The following ATE1 variants were observed in gnomAD, a reference collection of about 807,000 sequenced individuals.
ATE1 encodes the protein arginyl-tRNA--protein transferase 1.
Under a neutral mutation model 70.5 loss-of-function variants are expected in ATE1, and 36 were observed. That is an observed-to-expected ratio of 0.51 (90% CI 0.39 to 0.67). The LOEUF (loss-of-function observed/expected upper bound fraction) is 0.67, where lower values mean the gene tolerates loss of function less well. Ranked by LOEUF, ATE1 falls within the 30% of genes least tolerant of loss-of-function variation. The pLI is 0.00. For missense variants in ATE1, 593 were observed against 629.5 expected (o/e 0.94, Z 0.62); for synonymous variants, 232 against 219.3 (o/e 1.06, Z -0.51).
chr10:121,820,663 GGAA>G (rs1947756983), intron 10 of ATE1, among the ~76,000 whole-genome samples: 1 of 152,166 alleles, frequency 6.6e-6, no homozygotes, highest in Admixed American at 6.5e-5. Context: ...TAATTCTACA[GGAA>G]GAGAGCAACA....
intron 11 of ATE1, among the ~76,000 whole-genome samples, chr10:121,788,726 A>G (rs146987883): frequency 3.3e-5 from 5 of 152,228 alleles, no homozygotes; most frequent in African/African-American, 1.2e-4. Context: ...AAAAATGTTT[A>G]TACTCTTAAG....
chr10:121,851,811 AAAT>A (rs1564895520), intron 8 of ATE1, among the ~76,000 whole-genome samples: 1 of 152,242 alleles, frequency 6.6e-6, no homozygotes, highest in African/African-American at 2.4e-5. Flanking sequence ...TAACAAGAAA[AAAT>A]AATAATAAAT....
chr10:121,762,122 C>T (rs1184038629), intron 11 of ATE1, among the ~76,000 whole-genome samples: 1 of 152,178 alleles, frequency 6.6e-6, no homozygotes, highest in East Asian at 1.9e-4. Flanking sequence ...TTCAGCAAAG[C>T]GTATCAGAAA....
chr10:121,836,107 T>G lies in ATE1; in HGVS notation c.1257+611A>C, dbSNP rs557359323. Among the ~76,000 whole-genome samples, 19 of 152,262 alleles carry G rather than the reference T, an allele frequency of 1.2e-4. No homozygotes were observed. The South Asian group carries it at 2.7e-3, about 22-fold the overall frequency. On this transcript the variant is annotated intron_variant, in intron 10 of 11. Coordinates refer to ENST00000224652, the MANE Select transcript of ATE1 (RefSeq NM_001001976.3). The stretch of plus-strand genomic sequence containing the variant: ...CTTCCAAATCCTTTCTTTTACTGCT[T>G]CTTCTCCTAGAAACGTCCTTCTCCA...
intron 10 of ATE1, among the ~76,000 whole-genome samples, chr10:121,829,292 G>A (rs752252429): frequency 2.0e-5 from 3 of 152,116 alleles, no homozygotes; most frequent in Non-Finnish European, 2.9e-5. Flanking sequence ...GCATGGTGGC[G>A]TGCGCCTGTA....
At chr10:121,912,610 C>A (rs1236033307) in intron 4 of ATE1, among the ~76,000 whole-genome samples, 1 of 151,820 alleles carries the variant, frequency 6.6e-6, no homozygotes, top group African/African-American at 2.4e-5. Context: ...CAAGATTGAG[C>A]CACTGCACTC....
At chr10:121,917,828 T>C (rs968953082) in intron 3 of ATE1, among the ~76,000 whole-genome samples, 1 of 152,116 alleles carries the variant, frequency 6.6e-6, no homozygotes, top group Non-Finnish European at 1.5e-5. Flanking sequence ...TTAATGAGCA[T>C]GTGGAATTCT....
chr10:121,765,852 A>G (rs557217190), intron 11 of ATE1, among the ~76,000 whole-genome samples: 1 of 152,278 alleles, frequency 6.6e-6, no homozygotes, highest in South Asian at 2.1e-4. Flanking sequence ...TTTATTGGCA[A>G]TTTGATAAAG....
chr10:121,794,493 C>T (rs1215744698), intron 10 of ATE1, among the ~76,000 whole-genome samples: 1 of 150,022 alleles, frequency 6.7e-6, no homozygotes, highest in Non-Finnish European at 1.5e-5. Context: ...ATAGTCCCAG[C>T]TATTTGGGAG....
intron 10 of ATE1, among the ~76,000 whole-genome samples, chr10:121,831,879 A>G (rs1948252647): frequency 6.6e-6 from 1 of 152,222 alleles, no homozygotes; most frequent in South Asian, 2.1e-4. Context: ...TTGTTGCTCT[A>G]AAGATCTACA....
intron 1 of ATE1, 147 bp downstream of exon 1, chr10:121,927,697 G>C: frequency 7.5e-7 from 1 of 1,325,620 alleles, no homozygotes; most frequent in South Asian, 1.9e-5. Context: ...CTAAGCCGGC[G>C]CCGCGGCCCT....
At chr10:121,778,190 AAC>A (rs1386777326) in intron 11 of ATE1, among the ~76,000 whole-genome samples, 6 of 152,196 alleles carry the variant, frequency 3.9e-5, no homozygotes, top group African/African-American at 1.4e-4. Context: ...TGGGAAACCT[AAC>A]ACACAGCTTT....
intron 1 of ATE1, chr10:121,927,514 G>A (rs994956988): frequency 3.0e-6 from 3 of 985,182 alleles, no homozygotes; most frequent in Admixed American, 6.1e-5. Flanking sequence ...GGTCAGCCCC[G>A]GCCATTAACT....
chr10:121,918,501 G>A (rs186612766), intron 3 of ATE1, among the ~76,000 whole-genome samples: 1 of 152,066 alleles, frequency 6.6e-6, no homozygotes, highest in Non-Finnish European at 1.5e-5. Flanking sequence ...CATGTAACAG[G>A]CACCAAATAC....
At chr10:121,789,897 C>T (rs1317044175) in intron 11 of ATE1, among the ~76,000 whole-genome samples, 1 of 152,104 alleles carries the variant, frequency 6.6e-6, no homozygotes, top group South Asian at 2.1e-4. Context: ...ATATTGATAT[C>T]AGCCCCTCAA....
At chr10:121,829,029 C>G (rs1346075196) in intron 10 of ATE1, among the ~76,000 whole-genome samples, 1 of 148,246 alleles carries the variant, frequency 6.7e-6, no homozygotes, top group Non-Finnish European at 1.5e-5. Flanking sequence ...TAAGTTGTAA[C>G]CTTCACTAGG....
intron 8 of ATE1, among the ~76,000 whole-genome samples, chr10:121,862,888 C>T (rs948161546): frequency 2.6e-5 from 4 of 151,992 alleles, no homozygotes; most frequent in Non-Finnish European, 5.9e-5. Flanking sequence ...GAAGTTACTG[C>T]CCCCTTTCTA....
chr10:121,915,058 A>C (rs1371063917), intron 3 of ATE1, among the ~76,000 whole-genome samples: 3 of 152,166 alleles, frequency 2.0e-5, no homozygotes. Flanking sequence ...ATCACCAGAC[A>C]CTCGAGAAGA....
chr10:121,761,601 A>C (rs1407769283), intron 11 of ATE1, among the ~76,000 whole-genome samples: 1 of 152,106 alleles, frequency 6.6e-6, no homozygotes, highest in Non-Finnish European at 1.5e-5. Flanking sequence ...AGAACACATA[A>C]TATCTCTAAG....
Sources: allele counts gnomAD v4.1 joint callset (sites outside exome capture counted in the v4.1 genomes callset), GRCh38; gene constraint gnomAD v4.1.1; transcripts MANE v1.5; gene names NCBI Gene and HGNC (gene_info 2026-07-23, HGNC 2026-07-21).